The following LRBA variants were observed in gnomAD, a reference collection of about 807,000 sequenced individuals.
LRBA encodes the protein LPS responsive beige-like anchor protein, also known as lipopolysaccharide-responsive and beige-like anchor protein.
A neutral mutation model predicts 330.0 loss-of-function variants in LRBA; 176 were observed. The ratio of observed to expected loss-of-function variants is 0.53; its 90% CI spans 0.47 to 0.60. The LOEUF (loss-of-function observed/expected upper bound fraction) is 0.60, where lower values mean the gene tolerates loss of function less well. Among genes scored for constraint, LRBA ranks in the 20% least tolerant of loss-of-function variants. The pLI is 0.00. For synonymous variants in LRBA, 1,230 were observed against 1,193.0 expected, an observed-to-expected ratio of 1.03 and a Z score of -0.64; for missense variants, 3,259 against 3,444.8, an observed-to-expected ratio of 0.95 and a Z score of 1.35.
At chr4:150,487,009 T>C (rs868660545) in intron 42 of LRBA, among the ~76,000 whole-genome samples, 2 of 151,980 alleles carry the variant, frequency 1.3e-5, no homozygotes, top group African/African-American at 4.8e-5. Context: ...TGCATATATA[T>C]ACAACCAAAA....
intron 2 of LRBA, among the ~76,000 whole-genome samples, chr4:151,003,523 G>A (rs530017094): frequency 5.3e-5 from 8 of 152,022 alleles, no homozygotes; most frequent in African/African-American, 1.2e-4. Flanking sequence ...TGTATATCAC[G>A]TCTATCATAA....
intron 35 of LRBA, among the ~76,000 whole-genome samples, chr4:150,748,106 T>C (rs1560765083): frequency 6.6e-6 from 1 of 152,192 alleles, no homozygotes; most frequent in Admixed American, 6.5e-5. Context: ...TAATCTTTGA[T>C]TTTGTCATTT....
intron 37 of LRBA, among the ~76,000 whole-genome samples, chr4:150,639,789 GTGTA>G (rs1355686533): frequency 1.5e-4 from 1 of 6,668 alleles, no homozygotes; most frequent in African/African-American, 2.7e-4. Context: ...ATATGTGTGT[GTGTA>G]TATATATATA....
intron 40 of LRBA, among the ~76,000 whole-genome samples, chr4:150,534,234 C>T (rs907444235): frequency 3.3e-5 from 5 of 150,766 alleles, no homozygotes; most frequent in African/African-American, 7.3e-5. Context: ...GAATATAGAA[C>T]AGTAGTATAC....
At chr4:150,805,285 GAAGGAAAGGAAAGGA>G (rs70941449) in intron 33 of LRBA, among the ~76,000 whole-genome samples, 1,379 of 39,230 alleles carry the variant, frequency 0.035, 51 homozygotes, top group African/African-American at 0.11. Context: ...AAGGAAAGGA[GAAGGAAAGGAAAGGA>G]AAGGAAAGGA....
chr4:150,428,262 C>T (rs1561163700), intron 46 of LRBA, among the ~76,000 whole-genome samples: 1 of 151,964 alleles, frequency 6.6e-6, no homozygotes, highest in Non-Finnish European at 1.5e-5. Context: ...ACTTAATACA[C>T]TCACCACTAA....
intron 35 of LRBA, among the ~76,000 whole-genome samples, chr4:150,747,886 T>C (rs1732969822): frequency 6.6e-6 from 1 of 152,208 alleles, no homozygotes; most frequent in African/African-American, 2.4e-5. Context: ...TCTCTAACCC[T>C]ATCCTTGGTC....
chr4:150,737,422 T>A (rs928180734), intron 35 of LRBA, among the ~76,000 whole-genome samples: 3 of 151,502 alleles, frequency 2.0e-5, no homozygotes, highest in African/African-American at 7.3e-5. Flanking sequence ...ATTGCACCAT[T>A]GCGCTCCAGC....
chr4:150,275,740 AAGG>A (rs1746671384), intron 56 of LRBA, among the ~76,000 whole-genome samples: 1 of 152,256 alleles, frequency 6.6e-6, no homozygotes, highest in African/African-American at 2.4e-5. Context: ...GGACCTCTTC[AAGG>A]AGAACTACAA....
chr4:150,467,583 A>C (rs1755596611), intron 44 of LRBA, 90 bp downstream of exon 44: 1 of 777,880 alleles, frequency 1.3e-6, no homozygotes, highest in East Asian at 2.7e-5. Flanking sequence ...ATTTGAAAAA[A>C]ATTTTTAAGT....
At chr4:150,639,867 ATATATT>A (rs1778495760) in intron 37 of LRBA, among the ~76,000 whole-genome samples, 3 of 87,892 alleles carry the variant, frequency 3.4e-5, no homozygotes, top group East Asian at 3.6e-4. Flanking sequence ...ATATATATAT[ATATATT>A]TAGATGGAGT....
At position 150,490,979 on chromosome 4, in the gene LRBA, T is replaced by A. The variant is rs144748889; in HGVS notation, c.6387A>T (p.Ser2129=). ...GCAAAAGATAACGACGAGAAAAGATTGATCGTATCTCTGTGAACAGCCATT... is the reference window on the plus strand; with the variant it reads ...GCAAAAGATAACGACGAGAAAAGATAGATCGTATCTCTGTGAACAGCCATT... The part of the protein sequence containing the change: ...HGKWLFTEIR[S]IFSRRYLLQN... The change falls in exon 41 of 57, where the codon TCA becomes TCT. Residue 2129 remains serine, a synonymous_variant. Transcript: ENST00000651943. 6.2e-7 allele frequency: 1 copy of A among 1,610,200 alleles called. No homozygotes were observed. The highest frequency in any genetic ancestry group is 8.5e-7 in the Non-Finnish European group (1 of 1,177,566).
rs555195391 is a variant in LRBA at position 150,889,090 on chromosome 4, C to T, written c.2165+3962G>A. Among the ~76,000 whole-genome samples, 4 of 152,262 alleles carry T rather than the reference C, an allele frequency of 2.6e-5. No individual in the cohort carries two copies. In the East Asian group the frequency reaches 7.7e-4, roughly 29 times the overall value. ...TCAGCCAGCCTAATTTCCTTCATCCCTGGGGCAGGTCAGACTTTGTTTTAT... is the reference window on the plus strand; with the variant it reads ...TCAGCCAGCCTAATTTCCTTCATCCTTGGGGCAGGTCAGACTTTGTTTTAT... On this transcript the variant is annotated intron_variant, in intron 17 of 56. Coordinates refer to ENST00000651943, the MANE Select transcript of LRBA (RefSeq NM_001364905.1).
In LRBA at chr4:150,511,484, C is replaced by T. The variant is rs74861236; in HGVS notation, c.6331-20449G>A. Among the ~76,000 whole-genome samples, 704 of 152,270 alleles carry T rather than the reference C, an allele frequency of 4.6e-3. 3 individuals are homozygous for T. The highest frequency in any genetic ancestry group is 0.015 in the African/African-American group (625 of 41,560). ...ATACAACATAACACTCCTTCAATCA[C>T]GCCATGCTGCTTCATGCTTAAGCAT... is the stretch of plus-strand genomic sequence containing the variant. On this transcript the variant is annotated intron_variant, in intron 40 of 56. Coordinates refer to ENST00000651943, the MANE Select transcript of LRBA (RefSeq NM_001364905.1).
At chr4:150,477,918 C>A (rs545287721) in intron 42 of LRBA, among the ~76,000 whole-genome samples, 33 of 152,192 alleles carry the variant, frequency 2.2e-4, no homozygotes, top group African/African-American at 7.2e-4. Context: ...TTATAAATTA[C>A]CCCGTTTCAG....
At chr4:150,314,051 A>G (rs994518831) in intron 51 of LRBA, among the ~76,000 whole-genome samples, 1 of 151,904 alleles carries the variant, frequency 6.6e-6, no homozygotes, top group Non-Finnish European at 1.5e-5. Context: ...AGAGGTGCTC[A>G]ACCTAAAATA....
chr4:150,834,235 T>G (rs75472437), intron 28 of LRBA, among the ~76,000 whole-genome samples: 1 of 152,198 alleles, frequency 6.6e-6, no homozygotes, highest in African/African-American at 2.4e-5. Flanking sequence ...GGGTACTTCA[T>G]GGTATCTACA....
intron 26 of LRBA, among the ~76,000 whole-genome samples, chr4:150,846,479 C>T (rs1749860115): frequency 6.7e-6 from 1 of 149,756 alleles, no homozygotes; most frequent in Admixed American, 6.7e-5. Context: ...GCAGTGAGCC[C>T]AGATCTTGCC....
At chr4:151,003,082 C>A (rs962658117) in intron 2 of LRBA, among the ~76,000 whole-genome samples, 39 of 146,842 alleles carry the variant, frequency 2.7e-4, no homozygotes, top group Middle Eastern at 3.4e-3. Context: ...GTACCAACAT[C>A]ATTTTTCACA....
Sources: allele counts gnomAD v4.1 joint callset (sites outside exome capture counted in the v4.1 genomes callset), GRCh38; gene constraint gnomAD v4.1.1; transcripts MANE v1.5; gene names NCBI Gene and HGNC (gene_info 2026-07-23, HGNC 2026-07-21).